Variants in RMC1 observed in about 807,000 individuals in gnomAD.
The protein encoded by RMC1 is regulator of MON1-CCZ1 complex.
Under a neutral mutation model 95.5 loss-of-function variants are expected in RMC1, and 44 were observed. The ratio of observed to expected loss-of-function variants is 0.46; its 90% CI spans 0.36 to 0.59. The LOEUF is 0.59. RMC1 is among the 20% of genes least tolerant of loss of function. RMC1 has a pLI of 0.00. For missense variants in RMC1, 705 were observed against 819.6 expected (o/e 0.86, Z 1.71); for synonymous variants, 320 against 303.6 (o/e 1.05, Z -0.56).
intron 1 of RMC1, 72 bp downstream of exon 1, chr18:23,503,792 G>T: frequency 7.6e-7 from 1 of 1,318,582 alleles, no homozygotes; most frequent in South Asian, 1.5e-5. Flanking sequence ...CCGGTCCCGC[G>T]CGACCAGGCC....
intron 11 of RMC1, 118 bp downstream of exon 11, chr18:23,524,292 G>A: frequency 6.7e-7 from 1 of 1,490,236 alleles, no homozygotes; most frequent in South Asian, 1.1e-5. Flanking sequence ...CACCCCGCAG[G>A]CAGCTTCCCT....
At chr18:23,520,366 G>A in intron 10 of RMC1, 53 bp downstream of exon 10, 1 of 1,393,820 alleles carries the variant, frequency 7.2e-7, no homozygotes, top group Non-Finnish European at 1.0e-6. Flanking sequence ...ATGTGGCTGT[G>A]TTCTCACCAT....
chr18:23,527,713 G>GT, intron 13 of RMC1, 82 bp from the exon 14 acceptor site: 2 of 1,075,094 alleles, frequency 1.9e-6, no homozygotes, highest in Non-Finnish European at 2.8e-6. Context: ...TTTGAGATTA[G>GT]TTTTTATCAT....
At chr18:23,513,120 A>C (rs1252137218) in intron 5 of RMC1, among the ~76,000 whole-genome samples, 2 of 151,844 alleles carry the variant, frequency 1.3e-5, no homozygotes, top group Non-Finnish European at 2.9e-5. Context: ...CGCCTGGCTA[A>C]TTTTTGTATT....
In RMC1 at chr18:23,504,663, A is replaced by G. The variant is rs1369592999; in HGVS notation, c.179+216A>G. 3 of 447,472 alleles carry G rather than the reference A, an allele frequency of 6.7e-6. No homozygotes were observed. The East Asian group carries it at 1.1e-4, about 16-fold the overall frequency. 27.7% of individuals were successfully genotyped at this position (447,472 alleles called of 1,614,324 possible). On this transcript the variant is annotated intron_variant, in intron 2 of 19. Coordinates refer to ENST00000269221, the MANE Select transcript of RMC1 (RefSeq NM_013326.5). The stretch of plus-strand genomic sequence containing the variant: ...ATCTGGAGCAGTTGATTTGGGAGCC[A>G]AATACTTCAAAAGTGGGGCAGCCAC...
In RMC1 at chr18:23,524,497, A is replaced by G. The variant is rs1179592281; in HGVS notation, c.1060+15A>G. 6.2e-7 allele frequency: 1 copy of G among 1,613,264 alleles called. No individual in the cohort carries two copies. The highest frequency in any genetic ancestry group is 2.2e-5 in the East Asian group (1 of 44,900). ...CGCAAGCCAAGGTAGGTCAGCGGGG[A>G]CAGTTGTCGTGTTACAACATGGTGC... On this transcript the variant is annotated intron_variant, in intron 12 of 19. Transcript: ENST00000269221.
Position 23,515,987 on chromosome 18 carries a change from T to C in RMC1, c.540T>C (p.Phe180=). 1 of 1,614,122 alleles carries C rather than the reference T, an allele frequency of 6.2e-7. No individual in the cohort carries two copies. Among genetic ancestry groups the C allele is most frequent in the Non-Finnish European group, 8.5e-7 (1 of 1,180,028 alleles). Residue 180 remains phenylalanine (F), a synonymous_variant, in exon 6 of 20, where the codon TTT becomes TTC. Transcript: ENST00000269221. The part of the protein sequence containing the change: ...TTVLENVLQP[F]HFRAGTMSKL... Reference sequence around the variant, plus strand: ...TCCTGGAGAATGTCCTGCAGCCTTTTCACTTTAGGGTAAGAGGAAGCCTCC... The same window carrying C: ...TCCTGGAGAATGTCCTGCAGCCTTTCCACTTTAGGGTAAGAGGAAGCCTCC...
chr18:23,523,987 C>T (rs181717861), intron 10 of RMC1, 143 bp from the exon 11 acceptor site: 38 of 904,124 alleles, frequency 4.2e-5, no homozygotes, highest in East Asian at 7.5e-5. Flanking sequence ...TTCAGTGAGA[C>T]GGAACAGTTC....
intron 7 of RMC1, 57 bp downstream of exon 7, chr18:23,516,480 T>C: frequency 6.4e-7 from 1 of 1,562,262 alleles, no homozygotes; most frequent in Non-Finnish European, 8.8e-7. Flanking sequence ...ATATAAATAA[T>C]AGAAGGAGTG....
intron 14 of RMC1, 50 bp from the exon 15 acceptor site, chr18:23,529,126 GCAC>G: frequency 6.3e-7 from 1 of 1,586,936 alleles, no homozygotes; most frequent in Non-Finnish European, 8.6e-7. Flanking sequence ...ACTGTAAACA[GCAC>G]CCTTCCTCTA....
At chr18:23,512,134 C>G (rs2057877721) in intron 5 of RMC1, among the ~76,000 whole-genome samples, 1 of 151,576 alleles carries the variant, frequency 6.6e-6, no homozygotes, top group Non-Finnish European at 1.5e-5. Context: ...AATTCTCCTG[C>G]CTCAGCCTCC....
chr18:23,526,073 G>C (rs1049009967), intron 12 of RMC1, among the ~76,000 whole-genome samples: 1 of 152,318 alleles, frequency 6.6e-6, no homozygotes, highest in East Asian at 1.9e-4. Context: ...TCACCCAGAT[G>C]ATTTTTTATG....
At chr18:23,519,534 T>A (rs987536260) in intron 9 of RMC1, among the ~76,000 whole-genome samples, 2 of 150,506 alleles carry the variant, frequency 1.3e-5, no homozygotes, top group Admixed American at 6.6e-5. Context: ...AAAAAAAAAA[T>A]TGGCAAAATG....
intron 7 of RMC1, 43 bp from the exon 8 acceptor site, chr18:23,518,847 T>C (rs979722723): frequency 1.9e-6 from 3 of 1,577,124 alleles, no homozygotes; most frequent in Admixed American, 1.7e-5. Flanking sequence ...AAAGGAATTT[T>C]GAATGGCCAG....
intron 2 of RMC1, 139 bp downstream of exon 2, chr18:23,504,586 C>A (rs1016022794): frequency 1.6e-5 from 11 of 691,866 alleles, no homozygotes; most frequent in East Asian, 1.1e-4. Flanking sequence ...GAATTCCTGT[C>A]TGTAGGGAGG....
chr18:23,517,977 C>A (rs572306250), intron 7 of RMC1, among the ~76,000 whole-genome samples: 3 of 152,308 alleles, frequency 2.0e-5, no homozygotes, highest in Admixed American at 2.0e-4. Flanking sequence ...CTCATCCTCC[C>A]AAAGTGCTGG....
intron 6 of RMC1, 145 bp downstream of exon 6, chr18:23,516,141 C>A: frequency 7.4e-7 from 1 of 1,360,334 alleles, no homozygotes; most frequent in Non-Finnish European, 1.0e-6. Context: ...TCTGTATACC[C>A]GTCAGCTCCT....
At chr18:23,529,109 T>A in intron 14 of RMC1, 70 bp from the exon 15 acceptor site, 2 of 1,557,226 alleles carry the variant, frequency 1.3e-6, no homozygotes, top group Non-Finnish European at 1.7e-6. Flanking sequence ...TCAGTCCTTG[T>A]GGATGAACTG....
intron 10 of RMC1, chr18:23,522,488 T>G (rs1261817043): frequency 6.6e-6 from 1 of 152,216 alleles, no homozygotes; most frequent in African/African-American, 2.4e-5. Context: ...TTAATGATAT[T>G]TTTTAAGCTC....
Sources: gnomAD v4.1 joint callset for allele counts (sites outside exome capture counted in the v4.1 genomes callset) on GRCh38, gnomAD v4.1.1 for gene constraint, MANE v1.5 for transcripts, NCBI Gene and HGNC (gene_info 2026-07-23, HGNC 2026-07-21) for gene names.